MSH4: variants seen among roughly 807,000 people sequenced by gnomAD.
MSH4 encodes the protein mutS homolog 4, also known as mutS protein homolog 4.
In MSH4, 106 loss-of-function variants were observed where a neutral mutation model predicts 113.7. The observed-to-expected ratio is 0.93, with a 90% CI of 0.80 to 1.10. The LOEUF is 1.10. Ranked by LOEUF, MSH4 falls within the 50% of genes least tolerant of loss-of-function variation. The probability of loss-of-function intolerance (pLI) is 0.00; values close to 1 mark genes in which losing one functional copy is unlikely to be tolerated. For synonymous variants in MSH4, 368 were observed against 380.2 expected, an observed-to-expected ratio of 0.97 and a Z score of 0.37; for missense variants, 1,061 against 1,093.7, an observed-to-expected ratio of 0.97 and a Z score of 0.42.
intron 7 of MSH4, among the ~76,000 whole-genome samples, chr1:75,829,165 G>A (rs767067887): frequency 2.6e-5 from 4 of 152,186 alleles, no homozygotes; most frequent in Non-Finnish European, 5.9e-5. Context: ...AGGGTCCCAC[G>A]TCCATGGAGC....
chr1:75,852,032 C>T (rs1651199384), intron 8 of MSH4, among the ~76,000 whole-genome samples: 1 of 152,136 alleles, frequency 6.6e-6, no homozygotes, highest in Non-Finnish European at 1.5e-5. Context: ...ACTTCCCATT[C>T]CTTCTAACCC....
At chr1:75,810,970 C>G (rs929859508) in intron 4 of MSH4, among the ~76,000 whole-genome samples, 163 bp downstream of exon 4, 1 of 152,082 alleles carries the variant, frequency 6.6e-6, no homozygotes, top group African/African-American at 2.4e-5. Flanking sequence ...CTCCCGAGTT[C>G]GAGTGATTCT....
At chr1:75,892,263 T>C (rs1257388301) in intron 17 of MSH4, among the ~76,000 whole-genome samples, 2 of 152,184 alleles carry the variant, frequency 1.3e-5, no homozygotes, top group Admixed American at 6.5e-5. Context: ...AGTTGTACCA[T>C]TGGCTCTCCT....
At chr1:75,888,605 A>G (rs1480581586) in intron 15 of MSH4, among the ~76,000 whole-genome samples, 1 of 27,444 alleles carries the variant, frequency 3.6e-5, no homozygotes, top group Non-Finnish European at 2.1e-4. Context: ...AGATTTTCAT[A>G]TTTCTTTTTT....
intron 15 of MSH4, among the ~76,000 whole-genome samples, chr1:75,886,755 A>G (rs1652130618): frequency 7.1e-6 from 1 of 140,340 alleles, no homozygotes; most frequent in African/African-American, 2.6e-5. Flanking sequence ...TATACATTAT[A>G]TATAAAATAT....
Position 75,807,010 on chromosome 1 carries a change from T to A in MSH4, c.457T>A (p.Ser153Thr), listed in dbSNP as rs749824652. 2 of 1,584,780 alleles carry A rather than the reference T, an allele frequency of 1.3e-6. No individual in the cohort carries two copies. The highest frequency in any genetic ancestry group is 4.6e-5 in the East Asian group (2 of 43,180). Residue 153 changes from serine (S) to threonine (T), a missense_variant, in exon 3 of 20, where the codon TCC becomes ACC. Ser to Thr is a moderately conservative substitution (Grantham distance 58). Transcript: ENST00000263187. ...ASSSSAISAHSPSVIVAVVEG... is the reference protein window; with the variant it reads ...ASSSSAISAHTPSVIVAVVEG... ...ATCCTCATCTGCGATTTCTGCACAC[T>A]CCCCATCAGTTATTGTAGCTGTTGT...
At chr1:75,865,110 G>A (rs565480305) in intron 8 of MSH4, among the ~76,000 whole-genome samples, 1 of 152,084 alleles carries the variant, frequency 6.6e-6, no homozygotes, top group Non-Finnish European at 1.5e-5. Flanking sequence ...AATGTCTCCT[G>A]TACAGGTATC....
chr1:75,816,902 C>T (rs887306752), intron 6 of MSH4, among the ~76,000 whole-genome samples: 1 of 152,126 alleles, frequency 6.6e-6, no homozygotes, highest in African/African-American at 2.4e-5. Context: ...GCTGGGATTA[C>T]AGCCGTGAGC....
At chr1:75,812,918 T>A (rs956595605) in intron 4 of MSH4, among the ~76,000 whole-genome samples, 1 of 152,140 alleles carries the variant, frequency 6.6e-6, no homozygotes, top group Non-Finnish European at 1.5e-5. Context: ...ATGTTAGTGT[T>A]TCGTTCAAGT....
At chr1:75,873,534 T>C (rs952839385) in intron 9 of MSH4, among the ~76,000 whole-genome samples, 1 of 152,008 alleles carries the variant, frequency 6.6e-6, no homozygotes, top group Non-Finnish European at 1.5e-5. Context: ...TACCCAATAG[T>C]TATTTTTTCT....
chr1:75,853,955 G>A (rs1263323879), intron 8 of MSH4, among the ~76,000 whole-genome samples: 1 of 141,198 alleles, frequency 7.1e-6, no homozygotes, highest in African/African-American at 2.5e-5. Flanking sequence ...TGTACTTATT[G>A]CTATTGGGGT....
At chr1:75,882,396 G>T (rs949749491) in intron 14 of MSH4, among the ~76,000 whole-genome samples, 4 of 151,604 alleles carry the variant, frequency 2.6e-5, no homozygotes, top group Non-Finnish European at 5.9e-5. Flanking sequence ...GGAACATTTT[G>T]GTTTTCACAT....
intron 7 of MSH4, among the ~76,000 whole-genome samples, chr1:75,832,705 G>T (rs10782557): frequency 0.46 from 70,280 of 151,832 alleles, 17,294 homozygotes; most frequent in East Asian, 0.95. Flanking sequence ...TCTCAATAGA[G>T]GCAGAAAAGG....
chr1:75,805,208 C>T (rs768281061), intron 2 of MSH4, among the ~76,000 whole-genome samples: 2 of 151,776 alleles, frequency 1.3e-5, no homozygotes, highest in African/African-American at 2.4e-5. Flanking sequence ...CTCTAAGGTT[C>T]TAAAAATACA....
At chr1:75,856,412 A>G (rs965675009) in intron 8 of MSH4, among the ~76,000 whole-genome samples, 5 of 151,794 alleles carry the variant, frequency 3.3e-5, no homozygotes, top group African/African-American at 1.2e-4. Flanking sequence ...TACATTAGGT[A>G]TTTTTCCTAA....
chr1:75,874,766 AG>A (rs557708758), intron 9 of MSH4, among the ~76,000 whole-genome samples: 98 of 152,342 alleles, frequency 6.4e-4, no homozygotes, highest in Non-Finnish European at 1.1e-3. Context: ...TGATAAAACA[AG>A]GTGGTGACTT....
chr1:75,855,710 T>C (rs1651301230), intron 8 of MSH4, among the ~76,000 whole-genome samples: 1 of 152,182 alleles, frequency 6.6e-6, no homozygotes, highest in Non-Finnish European at 1.5e-5. Flanking sequence ...ATTATTGGAC[T>C]AGGGGCCTAC....
intron 7 of MSH4, among the ~76,000 whole-genome samples, chr1:75,843,812 G>A (rs908065519): frequency 1.8e-4 from 28 of 151,864 alleles, no homozygotes; most frequent in African/African-American, 6.5e-4. Flanking sequence ...TTATTTTGTG[G>A]GTTTCTTTTT....
chr1:75,913,008 T>A lies in MSH4; in HGVS notation c.*121T>A. 1 of 505,492 alleles carries A rather than the reference T, an allele frequency of 2.0e-6. No homozygotes were observed. The highest frequency in any genetic ancestry group is 3.2e-6 in the Non-Finnish European group (1 of 307,738). 31.3% of individuals were successfully genotyped at this position (505,492 alleles called of 1,614,324 possible). Reference sequence around the variant, plus strand: ...ATTTTAATTGAAAATTACATTATATTAACATCACAATTGTCATCTATATAT... The same window carrying A: ...ATTTTAATTGAAAATTACATTATATAAACATCACAATTGTCATCTATATAT... On this transcript the variant is annotated 3_prime_UTR_variant, in exon 20 of 20. Transcript: ENST00000263187.
Sources: allele counts gnomAD v4.1 joint callset (sites outside exome capture counted in the v4.1 genomes callset), GRCh38; gene constraint gnomAD v4.1.1; transcripts MANE v1.5; gene names NCBI Gene and HGNC (gene_info 2026-07-23, HGNC 2026-07-21).